ABCB1: variants seen among roughly 807,000 people sequenced by gnomAD.
The protein encoded by ABCB1 is ATP-dependent translocase ABCB1.
Under a neutral mutation model 142.0 loss-of-function variants are expected in ABCB1, and 69 were observed. The observed-to-expected ratio is 0.49, with a 90% CI of 0.40 to 0.59. The LOEUF (loss-of-function observed/expected upper bound fraction) is 0.59, where lower values mean the gene tolerates loss of function less well. ABCB1 is among the 20% of genes least tolerant of loss of function. The pLI, the probability that ABCB1 is intolerant of heterozygous loss-of-function variation, is 0.00. For synonymous variants in ABCB1, 532 were observed against 539.2 expected, an observed-to-expected ratio of 0.99 and a Z score of 0.18; for missense variants, 1,326 against 1,554.7, an observed-to-expected ratio of 0.85 and a Z score of 2.47.
At position 87,553,945 on chromosome 7, in the gene ABCB1, A is replaced by G. The variant is rs752735882; in HGVS notation, c.828-13T>C. The G allele has an allele frequency of 1.9e-6, 3 of 1,601,694 alleles. No homozygotes were observed. Among genetic ancestry groups the G allele is most frequent in the Non-Finnish European group, 2.6e-6 (3 of 1,168,962 alleles). On this transcript the variant is annotated splice_polypyrimidine_tract_variant and intron_variant, in intron 8 of 27. Transcript: ENST00000622132. ...ATTTTTGTTGTACCTGAGAAAAAGA[A>G]CAAAAATGATCACATATACATTTTA...
At chr7:87,537,582 G>C (rs1469884711) in intron 19 of ABCB1, among the ~76,000 whole-genome samples, 1 of 152,066 alleles carries the variant, frequency 6.6e-6, no homozygotes, top group South Asian at 2.1e-4. Flanking sequence ...AATAAGGCTG[G>C]TGGGGAGGGG....
intron 3 of ABCB1, among the ~76,000 whole-genome samples, chr7:87,590,677 A>G (rs1226888917): frequency 1.3e-5 from 2 of 152,352 alleles, no homozygotes; most frequent in South Asian, 2.1e-4. Flanking sequence ...CTGTGGCAAG[A>G]GCAGAGTGAG....
At chr7:87,561,813 C>T (rs945032598) in intron 7 of ABCB1, among the ~76,000 whole-genome samples, 16 of 152,150 alleles carry the variant, frequency 1.1e-4, no homozygotes, top group African/African-American at 3.9e-4. Flanking sequence ...TGGCAAGACC[C>T]CGCCTCTACA....
chr7:87,690,717 T>A (rs1206811217), intron 1 of ABCB1, among the ~76,000 whole-genome samples: 1 of 152,164 alleles, frequency 6.6e-6, no homozygotes, highest in Non-Finnish European at 1.5e-5. Flanking sequence ...CTTAACAGTA[T>A]TAGTAATAGA....
chr7:87,529,973 A>G (rs946966643), intron 21 of ABCB1, among the ~76,000 whole-genome samples: 4 of 152,200 alleles, frequency 2.6e-5, no homozygotes, highest in African/African-American at 4.8e-5. Flanking sequence ...TTTGTCCCCT[A>G]CAGACACTGG....
intron 26 of ABCB1, chr7:87,506,254 A>G: frequency 1.8e-6 from 1 of 571,318 alleles, no homozygotes; most frequent in Non-Finnish European, 3.1e-6. Context: ...GGGCCTTAAG[A>G]TGATATGTTT....
chr7:87,578,227 T>C (rs2129883388), intron 4 of ABCB1, among the ~76,000 whole-genome samples: 1 of 152,212 alleles, frequency 6.6e-6, no homozygotes, highest in East Asian at 1.9e-4. Flanking sequence ...ATGAGTTCAC[T>C]GTAGATTTGT....
chr7:87,599,073 A>T (rs1394586709), intron 2 of ABCB1, among the ~76,000 whole-genome samples: 2 of 152,218 alleles, frequency 1.3e-5, no homozygotes, highest in South Asian at 2.1e-4. Flanking sequence ...CATTATTTTT[A>T]AAAATGTATT....
chr7:87,711,155 C>T (rs1830045203), intron 1 of ABCB1, among the ~76,000 whole-genome samples: 1 of 151,968 alleles, frequency 6.6e-6, no homozygotes, highest in Non-Finnish European at 1.5e-5. Flanking sequence ...GGATAAACCC[C>T]GTCTCTACTC....
intron 25 of ABCB1, among the ~76,000 whole-genome samples, chr7:87,512,531 G>C (rs920521767): frequency 6.6e-6 from 1 of 152,174 alleles, no homozygotes; most frequent in East Asian, 1.9e-4. Flanking sequence ...TGGGATTCAA[G>C]GTCCACTGAT....
chr7:87,692,017 A>G (rs1346393551), intron 1 of ABCB1, among the ~76,000 whole-genome samples: 1 of 152,200 alleles, frequency 6.6e-6, no homozygotes, highest in Admixed American at 6.5e-5. Context: ...GAATGGTTTA[A>G]TCGTATTAAA....
intron 1 of ABCB1, among the ~76,000 whole-genome samples, chr7:87,608,309 T>A (rs550140222): frequency 6.6e-6 from 1 of 152,224 alleles, no homozygotes; most frequent in Non-Finnish European, 1.5e-5. Context: ...TACCTGGATG[T>A]CTATATTCCG....
At chr7:87,530,846 A>AAGAAAGCAAGAAAGC (rs1563037392) in intron 21 of ABCB1, among the ~76,000 whole-genome samples, 1 of 60,978 alleles carries the variant, frequency 1.6e-5, no homozygotes. Flanking sequence ...AGCAAGAAAG[A>AAGAAAGCAAGAAAGC]AAGAAAGAAA....
intron 26 of ABCB1, among the ~76,000 whole-genome samples, chr7:87,507,776 G>C (rs1326927631): frequency 1.3e-5 from 2 of 152,172 alleles, no homozygotes; most frequent in African/African-American, 2.4e-5. Context: ...GTGATAATGG[G>C]TGAGGTAGAT....
chr7:87,642,248 G>T (rs1359258151), intron 1 of ABCB1, among the ~76,000 whole-genome samples: 1 of 152,076 alleles, frequency 6.6e-6, no homozygotes, highest in African/African-American at 2.4e-5. Context: ...TGATGTGTGT[G>T]TTTGCATAGA....
At chr7:87,576,195 G>T (rs1290258471) in intron 4 of ABCB1, among the ~76,000 whole-genome samples, 1 of 151,394 alleles carries the variant, frequency 6.6e-6, no homozygotes, top group Admixed American at 6.6e-5. Context: ...ATATTGCAGA[G>T]ATTACATTGT....
chr7:87,647,966 T>G (rs369444179), intron 1 of ABCB1, among the ~76,000 whole-genome samples: 1 of 151,966 alleles, frequency 6.6e-6, no homozygotes, highest in Non-Finnish European at 1.5e-5. Flanking sequence ...AGGTGGATCA[T>G]GAGGTCAAGA....
chr7:87,595,907 T>G (rs2235073), intron 2 of ABCB1, 93 bp from the exon 3 acceptor site: 1 of 968,968 alleles, frequency 1.0e-6, no homozygotes, highest in Non-Finnish European at 1.6e-6. Flanking sequence ...TAATGACTAA[T>G]AGGAAGAAGA....
At chr7:87,534,442 A>G (rs528202371) in intron 20 of ABCB1, among the ~76,000 whole-genome samples, 273 of 152,316 alleles carry the variant, frequency 1.8e-3, no homozygotes, top group African/African-American at 6.4e-3. Flanking sequence ...AAGCATAGTA[A>G]AACTTATTTA....
Sources: allele counts gnomAD v4.1 joint callset (sites outside exome capture counted in the v4.1 genomes callset), GRCh38; gene constraint gnomAD v4.1.1; transcripts MANE v1.5; gene names NCBI Gene and HGNC (gene_info 2026-07-23, HGNC 2026-07-21).